Variants in PRKG2 observed in about 807,000 individuals in gnomAD.
The protein encoded by PRKG2 is cGMP-dependent protein kinase 2.
PRKG2 carries 33 observed loss-of-function variants against 97.2 expected under a neutral mutation model. The observed-to-expected ratio is 0.34, with a 90% CI of 0.26 to 0.45. The LOEUF (loss-of-function observed/expected upper bound fraction) is 0.45. PRKG2 is among the 20% of genes least tolerant of loss of function. The pLI is 1.00. For synonymous variants in PRKG2, 330 were observed against 321.8 expected (o/e 1.03, Z -0.27); for missense variants, 638 against 900.0 (o/e 0.71, Z 3.73).
intron 2 of PRKG2, among the ~76,000 whole-genome samples, chr4:81,178,851 G>C (rs1415991723): frequency 6.6e-6 from 1 of 152,082 alleles, no homozygotes; most frequent in Non-Finnish European, 1.5e-5. Context: ...ATCAGGCAGA[G>C]TGCAGTGCCT....
chr4:81,108,713 A>G (rs1180378947), intron 15 of PRKG2, among the ~76,000 whole-genome samples: 1 of 152,006 alleles, frequency 6.6e-6, no homozygotes, highest in Non-Finnish European at 1.5e-5. Context: ...TGGGTAACAC[A>G]GTAAGATACC....
In PRKG2 at chr4:81,092,507, AG is replaced by A. The variant is rs869154079; in HGVS notation, c.2127-56del. On this transcript the variant is annotated intron_variant, in intron 17 of 18. Transcript: ENST00000264399. ...AAGGAAGGAAGGAAGGAAGGAAGGAAGGAAGGGAGAAAGAAAGAGACGACAA... is the reference window on the plus strand; with the variant it reads ...AAGGAAGGAAGGAAGGAAGGAAGGAAGAAGGGAGAAAGAAAGAGACGACAA... 1.7e-5 allele frequency: 19 copies of A among 1,092,414 alleles called. No homozygotes were observed. In the African/African-American group the frequency reaches 2.9e-4, roughly 17 times the overall value. 67.7% of individuals were successfully genotyped at this position (1,092,414 alleles called of 1,614,324 possible). A position where few individuals can be genotyped will look rare whatever the true frequency, so the allele number is the denominator to read the frequency against.
At chr4:81,117,943 TCATA>T in intron 14 of PRKG2, among the ~76,000 whole-genome samples, 1 of 152,288 alleles carries the variant, frequency 6.6e-6, no homozygotes, top group South Asian at 2.1e-4. Context: ...CGCTGCAGTA[TCATA>T]CAGAGTATTT....
At chr4:81,153,374 CA>C in intron 7 of PRKG2, 1 of 279,000 alleles carries the variant, frequency 3.6e-6, no homozygotes, top group Admixed American at 4.9e-5. Flanking sequence ...ATAAATAATC[CA>C]GCCATCTCAT....
rs751123033 is a variant in PRKG2, at chr4:81,171,695, C to A, written c.738G>T (p.Val246=). The change falls in exon 4 of 19, where the codon GTG becomes GTT. Residue 246 remains valine (V), a synonymous_variant. Coordinates refer to ENST00000264399, the MANE Select transcript of PRKG2 (RefSeq NM_006259.3). ...ILYNCTRTAS[V]KAITNVKTWA... ...GAGCATTTCCTCTTTTATTACCTTT[C>A]ACAGAGGCAGTCCTTGTACAATTGT... is the stretch of plus-strand genomic sequence containing the variant. The A allele has an allele frequency of 6.3e-7, 1 of 1,593,450 alleles. No individual in the cohort carries two copies. The highest frequency in any genetic ancestry group is 1.1e-5 in the South Asian group (1 of 87,748).
At chr4:81,136,436 A>G (rs1259913186) in intron 13 of PRKG2, among the ~76,000 whole-genome samples, 1 of 152,208 alleles carries the variant, frequency 6.6e-6, no homozygotes, top group East Asian at 1.9e-4. Flanking sequence ...AAACACTGGC[A>G]CAGGTCTGAC....
At chr4:81,092,962 A>T (rs983392529) in intron 17 of PRKG2, among the ~76,000 whole-genome samples, 1 of 152,186 alleles carries the variant, frequency 6.6e-6, no homozygotes, top group African/African-American at 2.4e-5. Flanking sequence ...ACTTAGCAGC[A>T]AGACTGGTCG....
chr4:81,174,430 T>C (rs1441492201), intron 3 of PRKG2, among the ~76,000 whole-genome samples: 6 of 152,028 alleles, frequency 3.9e-5, no homozygotes, highest in Admixed American at 3.9e-4. Flanking sequence ...TGCCTAAGTG[T>C]GCATTTTACC....
At chr4:81,129,910 C>A (rs1013531412) in intron 14 of PRKG2, among the ~76,000 whole-genome samples, 1 of 152,092 alleles carries the variant, frequency 6.6e-6, no homozygotes, top group African/African-American at 2.4e-5. Context: ...TTAGTTGATG[C>A]GGTTTCTTCA....
chr4:81,126,072 C>A (rs562963376), intron 14 of PRKG2, among the ~76,000 whole-genome samples: 161 of 152,294 alleles, frequency 1.1e-3, no homozygotes, highest in African/African-American at 3.7e-3. Flanking sequence ...TGTTCCCCTC[C>A]CTGGGTCCAT....
chr4:81,149,017 G>A (rs1185795055), intron 8 of PRKG2, 65 bp from the exon 9 acceptor site: 8 of 1,464,490 alleles, frequency 5.5e-6, no homozygotes, highest in African/African-American at 1.4e-5. Flanking sequence ...ACTTTTATTA[G>A]GGAATGTACT....
intron 17 of PRKG2, among the ~76,000 whole-genome samples, chr4:81,097,304 T>A (rs936570055): frequency 5.4e-4 from 82 of 152,340 alleles, no homozygotes; most frequent in African/African-American, 2.0e-3. Flanking sequence ...CAGTAATATT[T>A]GAAAGAAATA....
chr4:81,109,036 T>C (rs994263984), intron 15 of PRKG2, among the ~76,000 whole-genome samples: 2 of 152,194 alleles, frequency 1.3e-5, no homozygotes, highest in Non-Finnish European at 2.9e-5. Flanking sequence ...AGCTGACAAA[T>C]TTCCCAGAGA....
chr4:81,149,003 A>G, intron 8 of PRKG2, 51 bp from the exon 9 acceptor site: 1 of 1,532,326 alleles, frequency 6.5e-7, no homozygotes, highest in Non-Finnish European at 9.0e-7. Context: ...GAAATTAAAC[A>G]TCCACTTTTA....
At chr4:81,117,788 C>T (rs1015104820) in intron 14 of PRKG2, among the ~76,000 whole-genome samples, 1 of 148,314 alleles carries the variant, frequency 6.7e-6, no homozygotes, top group Non-Finnish European at 1.5e-5. Flanking sequence ...TATCAACATC[C>T]CTCGCCAGAG....
intron 2 of PRKG2, among the ~76,000 whole-genome samples, chr4:81,176,409 T>A (rs1267017749): frequency 6.6e-6 from 1 of 152,176 alleles, no homozygotes; most frequent in Non-Finnish European, 1.5e-5. Context: ...AAAAAAAATT[T>A]AAAAATGGAT....
chr4:81,214,357 T>C lies in PRKG2; in HGVS notation c.-14+579A>G, dbSNP rs187950142. ...GTAGTTCTTCTCAGAACTGAACCTA[T>C]TTCTTTTTTTCTCATCCCCAAAGTG... On this transcript the variant is annotated intron_variant, in intron 1 of 18. Transcript: ENST00000264399. Among the ~76,000 whole-genome samples, 765 of 152,028 alleles carry C rather than the reference T, an allele frequency of 5.0e-3. 10 individuals carry two copies. Among genetic ancestry groups the C allele is most frequent in the African/African-American group, 0.018 (739 of 41,446 alleles).
At chr4:81,201,112 T>G (rs1287668598) in intron 2 of PRKG2, among the ~76,000 whole-genome samples, 20 of 152,244 alleles carry the variant, frequency 1.3e-4, no homozygotes, top group Non-Finnish European at 2.9e-4. Context: ...AATTCCCATC[T>G]TAGGCAATAG....
At chr4:81,112,102 T>C (rs1377344266) in intron 14 of PRKG2, among the ~76,000 whole-genome samples, 1 of 152,182 alleles carries the variant, frequency 6.6e-6, no homozygotes. Flanking sequence ...TTACCTTAAA[T>C]AAACCCCTTA....
Sources: gnomAD v4.1 joint callset for allele counts (sites outside exome capture counted in the v4.1 genomes callset) on GRCh38, gnomAD v4.1.1 for gene constraint, MANE v1.5 for transcripts, NCBI Gene and HGNC (gene_info 2026-07-23, HGNC 2026-07-21) for gene names.